The following RBFOX1 variants were observed in gnomAD, a reference collection of about 807,000 sequenced individuals.
RBFOX1 encodes RNA binding fox-1 homolog 1, also known as RNA binding protein fox-1 homolog 1.
RBFOX1 carries 8 observed loss-of-function variants against 57.7 expected under a neutral mutation model. The observed-to-expected ratio is 0.14, with a 90% confidence interval of 0.08 to 0.25. The LOEUF is 0.25. RBFOX1 is among the 10% of genes least tolerant of loss of function. The pLI, the probability that RBFOX1 is intolerant of heterozygous loss-of-function variation, is 1.00. For synonymous variants in RBFOX1, 326 were observed against 222.4 expected (o/e 1.47, Z -4.15); for missense variants, 611 against 548.5 (o/e 1.11, Z -1.14).
At chr16:5,618,318 G>T (rs1240041590) in intron 3 of RBFOX1, among the ~76,000 whole-genome samples, 2 of 139,676 alleles carry the variant, frequency 1.4e-5, no homozygotes, top group African/African-American at 5.1e-5. Flanking sequence ...ATATACAGGA[G>T]ATGGCTGCAG....
intron 4 of RBFOX1, chr16:7,304,355 C>T (rs919223923): frequency 1.0e-6 from 1 of 985,376 alleles, no homozygotes; most frequent in South Asian, 4.7e-5. Context: ...CAAGCGTCCC[C>T]ACTCGGGCTC....
At chr16:6,826,878 A>T (rs1202883014) in intron 3 of RBFOX1, among the ~76,000 whole-genome samples, 2 of 152,200 alleles carry the variant, frequency 1.3e-5, no homozygotes, top group African/African-American at 4.8e-5. Context: ...TTTCCGTATG[A>T]TGAATAAGAA....
At chr16:6,886,752 C>G (rs1334630776) in intron 3 of RBFOX1, among the ~76,000 whole-genome samples, 1 of 91,854 alleles carries the variant, frequency 1.1e-5, no homozygotes, top group African/African-American at 3.5e-5. Context: ...GAGACTCTAT[C>G]TGAAAAAAAC....
chr16:6,653,095 C>G (rs1025154265), intron 2 of RBFOX1, among the ~76,000 whole-genome samples: 3 of 152,128 alleles, frequency 2.0e-5, no homozygotes, highest in Non-Finnish European at 4.4e-5. Flanking sequence ...TGAACTTGCT[C>G]TTCGTTTGCC....
intron 4 of RBFOX1, among the ~76,000 whole-genome samples, chr16:7,198,313 C>T (rs4374185): frequency 0.62 from 93,615 of 151,982 alleles, 29,110 homozygotes; most frequent in African/African-American, 0.68. Flanking sequence ...CCAATATACC[C>T]GGTGGTTTTC....
At chr16:7,495,528 G>T (rs1231255858) in intron 4 of RBFOX1, among the ~76,000 whole-genome samples, 1 of 152,116 alleles carries the variant, frequency 6.6e-6, no homozygotes, top group South Asian at 2.1e-4. Flanking sequence ...GGTGCGAGAT[G>T]GTATCTCACT....
intron 11 of RBFOX1, among the ~76,000 whole-genome samples, chr16:7,649,352 A>T (rs1038390594): frequency 6.6e-6 from 1 of 152,216 alleles, no homozygotes; most frequent in Non-Finnish European, 1.5e-5. Context: ...TGTTCACAAG[A>T]TATTGGGATA....
chr16:5,306,498 T>G (rs1747954218), intron 1 of RBFOX1, among the ~76,000 whole-genome samples: 1 of 152,100 alleles, frequency 6.6e-6, no homozygotes, highest in Admixed American at 6.5e-5. Flanking sequence ...TTTTGTATTT[T>G]TAGTAGAGAC....
At chr16:7,365,154 C>T (rs1216752792) in intron 4 of RBFOX1, among the ~76,000 whole-genome samples, 5 of 152,198 alleles carry the variant, frequency 3.3e-5, no homozygotes, top group Admixed American at 3.3e-4. Context: ...TTCAAGACTA[C>T]TGTCACGATC....
In RBFOX1 at chr16:7,663,789, C is replaced by T. The variant is rs1014208101; in HGVS notation, c.891-1140C>T. On this transcript the variant is annotated intron_variant, in intron 12 of 15. Transcript: ENST00000550418. ...TAGAAACAGCTTCATATGCAAGATGCCTTGTGATCCTTACAAAAACCTGTG... is the reference window on the plus strand; with the variant it reads ...TAGAAACAGCTTCATATGCAAGATGTCTTGTGATCCTTACAAAAACCTGTG... Among the ~76,000 whole-genome samples, 4 of 152,156 alleles carry T rather than the reference C, an allele frequency of 2.6e-5. No homozygotes were observed. The South Asian group carries it at 8.3e-4, about 32-fold the overall frequency.
Position 7,462,430 on chromosome 16 carries a change from G to A in RBFOX1, c.28-55717G>A, listed in dbSNP as rs548551630. On this transcript the variant is annotated intron_variant, in intron 4 of 15. Transcript: ENST00000550418. ...CACTTAAACCCAGGAGGCAGAGATT[G>A]CAGTGAGCCAAGATCGTGCCATTGC... Among the ~76,000 whole-genome samples the A allele has an allele frequency of 2.0e-5, 3 of 152,342 alleles. 1 individual carries two copies. The Middle Eastern group carries it at 0.01, about 518-fold the overall frequency.
At chr16:5,591,971 C>A (rs190588210) in intron 2 of RBFOX1, among the ~76,000 whole-genome samples, 3 of 152,192 alleles carry the variant, frequency 2.0e-5, no homozygotes, top group Non-Finnish European at 4.4e-5. Flanking sequence ...ATACTTGTTG[C>A]CCTAGAGTCT....
At chr16:6,109,704 C>G (rs1360835890) in intron 1 of RBFOX1, among the ~76,000 whole-genome samples, 1 of 152,056 alleles carries the variant, frequency 6.6e-6, no homozygotes, top group Non-Finnish European at 1.5e-5. Flanking sequence ...TAAAAAATTA[C>G]TTGACTGGGG....
chr16:6,155,575 C>A (rs1433893653), intron 1 of RBFOX1, among the ~76,000 whole-genome samples: 1 of 152,216 alleles, frequency 6.6e-6, no homozygotes, highest in Non-Finnish European at 1.5e-5. Flanking sequence ...GACCAGAAGG[C>A]ATTGCCGTCT....
chr16:6,995,124 C>T (rs151170486), intron 3 of RBFOX1, among the ~76,000 whole-genome samples: 2 of 152,152 alleles, frequency 1.3e-5, no homozygotes, highest in South Asian at 2.1e-4. Flanking sequence ...TTATCTGTCA[C>T]CTGTAATTTA....
chr16:5,240,006 G>T, exon 1 of RBFOX1: 10 of 1,530,412 alleles, frequency 6.5e-6, no homozygotes, highest in Non-Finnish European at 8.7e-6. Flanking sequence ...TGGGGCTGGA[G>T]GGGGGAAGCG....
chr16:6,941,420 A>T (rs1423383637), intron 3 of RBFOX1, among the ~76,000 whole-genome samples: 4 of 151,134 alleles, frequency 2.6e-5, no homozygotes, highest in Non-Finnish European at 2.9e-5. Flanking sequence ...TTGGAATATT[A>T]GGAAATCCCT....
chr16:7,425,897 A>G (rs545436968), intron 4 of RBFOX1, among the ~76,000 whole-genome samples: 8 of 152,066 alleles, frequency 5.3e-5, no homozygotes, highest in Non-Finnish European at 1.0e-4. Flanking sequence ...GAAATGTATC[A>G]TTTTTTCCCC....
At chr16:6,752,293 T>C (rs1184204734) in intron 3 of RBFOX1, among the ~76,000 whole-genome samples, 1 of 152,320 alleles carries the variant, frequency 6.6e-6, no homozygotes, top group East Asian at 1.9e-4. Context: ...GCAATTTGGA[T>C]GTACTCCAGA....
Sources: gnomAD v4.1 joint callset for allele counts (sites outside exome capture counted in the v4.1 genomes callset) on GRCh38, gnomAD v4.1.1 for gene constraint, MANE v1.5 for transcripts, NCBI Gene and HGNC (gene_info 2026-07-23, HGNC 2026-07-21) for gene names.